The following NCAPH variants were observed in gnomAD, a reference collection of about 807,000 sequenced individuals.
NCAPH encodes the protein non-SMC condensin I complex subunit H.
NCAPH carries 38 observed loss-of-function variants against 85.5 expected under a neutral mutation model. The observed-to-expected ratio is 0.44, with a 90% confidence interval of 0.34 to 0.58. The LOEUF is 0.58. NCAPH is among the 20% of genes least tolerant of loss of function. NCAPH has a pLI of 0.01. For synonymous variants in NCAPH, 301 were observed against 335.1 expected (o/e 0.90, Z 1.11); for missense variants, 789 against 916.6 (o/e 0.86, Z 1.80).
intron 1 of NCAPH, among the ~76,000 whole-genome samples, chr2:96,337,011 T>C (rs909361769): frequency 6.6e-6 from 1 of 152,152 alleles, no homozygotes; most frequent in Non-Finnish European, 1.5e-5. Flanking sequence ...ATGGAAGTTA[T>C]AGATGATCAC....
chr2:96,374,777 C>T lies in NCAPH; in HGVS notation c.*1426C>T, dbSNP rs2064814511. 6.6e-6 allele frequency among the ~76,000 whole-genome samples: 1 copy of T among 152,202 alleles called. No individual in the cohort carries two copies. The highest frequency in any genetic ancestry group is 2.1e-4 in the South Asian group (1 of 4,826). ...GGGGCTGAAGCCTCCATCACTTTCC[C>T]AGGCCAGGTTAGTGCTGGGCTTCTT... is the stretch of plus-strand genomic sequence containing the variant. On this transcript the variant is annotated 3_prime_UTR_variant, in exon 18 of 18. Coordinates refer to ENST00000240423, the MANE Select transcript of NCAPH (RefSeq NM_015341.5).
intron 12 of NCAPH, among the ~76,000 whole-genome samples, chr2:96,362,188 C>G (rs2064633531): frequency 6.6e-6 from 1 of 151,796 alleles, no homozygotes; most frequent in East Asian, 1.9e-4. Flanking sequence ...CCAGTGCACT[C>G]CAGCCTGGGG....
chr2:96,367,735 C>T lies in NCAPH; in HGVS notation c.1998+362C>T, dbSNP rs188375987. Among the ~76,000 whole-genome samples, 249 of 152,346 alleles carry T rather than the reference C, an allele frequency of 1.6e-3. 1 individual carries two copies. The highest frequency in any genetic ancestry group is 3.0e-3 in the Non-Finnish European group (202 of 68,040). The stretch of plus-strand genomic sequence containing the variant: ...CAAGTATACAAGTAGGCAGGTCACA[C>T]AGACTGTGATACAAATAGCAAACTA... On this transcript the variant is annotated intron_variant, in intron 15 of 17. Transcript: ENST00000240423.
Position 96,365,949 on chromosome 2 carries a change from A to T in NCAPH, c.1772A>T (p.Tyr591Phe). 6.2e-7 allele frequency: 1 copy of T among 1,614,200 alleles called. No individual in the cohort carries two copies. The highest frequency in any genetic ancestry group is 8.5e-7 in the Non-Finnish European group (1 of 1,180,042). The stretch of plus-strand genomic sequence containing the variant: ...GTTGGGAACTCTGACCTCTCACCTT[A>T]TCCTTGCCATCCACCTAAGACAGCA... ...GPVGNSDLSP[Y>F]PCHPPKTAQQ... The change falls in exon 14 of 18, where the codon TAT becomes TTT. Residue 591 changes from tyrosine (Y) to phenylalanine (F), a missense_variant. Physicochemically the swap from Tyr to Phe is conservative, Grantham distance 22. Coordinates refer to ENST00000240423, the MANE Select transcript of NCAPH (RefSeq NM_015341.5).
chr2:96,372,869 A>G (rs2064792240), intron 17 of NCAPH, among the ~76,000 whole-genome samples: 1 of 152,172 alleles, frequency 6.6e-6, no homozygotes, highest in Admixed American at 6.5e-5. Context: ...AAAATCATAT[A>G]TGTGTATTTG....
At chr2:96,343,669 A>G (rs1300689748) in intron 5 of NCAPH, among the ~76,000 whole-genome samples, 1 of 151,144 alleles carries the variant, frequency 6.6e-6, no homozygotes, top group African/African-American at 2.4e-5. Flanking sequence ...TTTTGAGAGA[A>G]CTGCGTGTTT....
intron 12 of NCAPH, among the ~76,000 whole-genome samples, chr2:96,361,498 G>A (rs945053411): frequency 2.0e-5 from 3 of 152,020 alleles, no homozygotes; most frequent in Non-Finnish European, 2.9e-5. Flanking sequence ...TCTACAGGCT[G>A]CTGGGGCTCC....
chr2:96,338,241 G>GAAAAAAAAAAAAA (rs34560390), intron 1 of NCAPH, among the ~76,000 whole-genome samples: 18 of 80,766 alleles, frequency 2.2e-4, no homozygotes, highest in East Asian at 6.8e-4. Context: ...CTATTTTATT[G>GAAAAAAAAAAAAA]AAAAAAAAAA....
intron 9 of NCAPH, among the ~76,000 whole-genome samples, chr2:96,356,972 G>C (rs182637207): frequency 3.3e-5 from 5 of 152,324 alleles, no homozygotes; most frequent in Admixed American, 2.0e-4. Context: ...ATGTCTAAGA[G>C]TGAGCTCCCT....
rs901274232 is a variant in NCAPH at position 96,376,893 on chromosome 2, A to G, written c.*3542A>G. Among the ~76,000 whole-genome samples, 2 of 152,206 alleles carry G rather than the reference A, an allele frequency of 1.3e-5. No homozygotes were observed. The highest frequency in any genetic ancestry group is 2.4e-5 in the African/African-American group (1 of 41,454). ...TAGCACAATAGGGTGACTATAGTCA[A>G]TAATAACAATTGTATATTTTAAAAT... On this transcript the variant is annotated 3_prime_UTR_variant, in exon 18 of 18. Transcript: ENST00000240423.
chr2:96,343,452 G>GGTGTT, intron 5 of NCAPH, 148 bp downstream of exon 5: 4 of 880,394 alleles, frequency 4.5e-6, no homozygotes, highest in Non-Finnish European at 6.4e-6. Context: ...ATGGTCTTAC[G>GGTGTT]TGAGAAGATA....
intron 1 of NCAPH, among the ~76,000 whole-genome samples, chr2:96,340,145 A>T (rs1291968428): frequency 6.6e-6 from 1 of 151,262 alleles, no homozygotes; most frequent in East Asian, 2.0e-4. Context: ...CTGGTCTCGA[A>T]CTCCTGACCT....
rs566450642 is a variant in NCAPH, at chr2:96,342,856, G to A, written c.456+8G>A. 1 of 1,597,158 alleles carries A rather than the reference G, an allele frequency of 6.3e-7. No individual in the cohort carries two copies. Among genetic ancestry groups the A allele is most frequent in the East Asian group, 2.2e-5 (1 of 44,774 alleles). ...GAACCAACCAACTTTAAAGTAAGAA[G>A]GATGTCCACTTTCTCTTGCATCTGA... On this transcript the variant is annotated splice_region_variant and intron_variant, in intron 4 of 17. Transcript: ENST00000240423.
At position 96,344,232 on chromosome 2, in the gene NCAPH, G is replaced by C. The variant is rs780039126; in HGVS notation, c.720+3G>C. The C allele has an allele frequency of 1.0e-5, 16 of 1,606,302 alleles. No homozygotes were observed. Among genetic ancestry groups the C allele is most frequent in the Non-Finnish European group, 1.4e-5 (16 of 1,177,410 alleles). On this transcript the variant is annotated splice_donor_region_variant and intron_variant, in intron 6 of 17. Transcript: ENST00000240423. The stretch of plus-strand genomic sequence containing the variant: ...CCGAAGCAGATCGGAAGTGTGAGGT[G>C]AGGAACTGTATGCGCAGTGTGGTTT...
intron 12 of NCAPH, among the ~76,000 whole-genome samples, chr2:96,361,828 ATT>A (rs67427447): frequency 0.21 from 21,936 of 106,752 alleles, 2,423 homozygotes; most frequent in South Asian, 0.48. Flanking sequence ...ATATATATAT[ATT>A]TTTTTTTTTT....
chr2:96,360,565 A>G lies in NCAPH; in HGVS notation c.1465-23A>G, dbSNP rs752918193. The G allele has an allele frequency of 5.0e-6, 8 of 1,612,486 alleles. No homozygotes were observed. In the East Asian group the frequency reaches 1.6e-4, roughly 31 times the overall value. On this transcript the variant is annotated intron_variant, in intron 11 of 17. Transcript: ENST00000240423. ...TGCCCACTGTTAAAATGCCTAAAAC[A>G]CTTTTTTTAAAAAAATTAATAGGCT...
In NCAPH at chr2:96,359,029, A is replaced by G. The variant is rs763345154; in HGVS notation, c.1209-16A>G. The stretch of plus-strand genomic sequence containing the variant: ...ATAATATATGTATTGTACATGTACA[A>G]ATATGTGTGTTACAGGGAAGAAATG... On this transcript the variant is annotated splice_polypyrimidine_tract_variant and intron_variant, in intron 9 of 17. Coordinates refer to ENST00000240423, the MANE Select transcript of NCAPH (RefSeq NM_015341.5). The G allele has an allele frequency of 1.4e-5, 23 of 1,613,246 alleles. No homozygotes were observed. Among genetic ancestry groups the G allele is most frequent in the South Asian group, 4.4e-5 (4 of 91,010 alleles).
chr2:96,345,091 G>A (rs2064345782), intron 6 of NCAPH, among the ~76,000 whole-genome samples: 6 of 152,216 alleles, frequency 3.9e-5, no homozygotes. Flanking sequence ...GAAAAAGACT[G>A]GGAGTTCCTT....
Position 96,376,880 on chromosome 2 carries a change from G to T in NCAPH, c.*3529G>T, listed in dbSNP as rs1189691266. ...ATCTACTATTTGATAGCACAATAGG[G>T]TGACTATAGTCAATAATAACAATTG... On this transcript the variant is annotated 3_prime_UTR_variant, in exon 18 of 18. Transcript: ENST00000240423. Among the ~76,000 whole-genome samples, 1 of 152,132 alleles carries T rather than the reference G, an allele frequency of 6.6e-6. No individual in the cohort carries two copies. Among genetic ancestry groups the T allele is most frequent in the Non-Finnish European group, 1.5e-5 (1 of 68,022 alleles).
Sources: gnomAD v4.1 joint callset for allele counts (sites outside exome capture counted in the v4.1 genomes callset) on GRCh38, gnomAD v4.1.1 for gene constraint, MANE v1.5 for transcripts, NCBI Gene and HGNC (gene_info 2026-07-23, HGNC 2026-07-21) for gene names.